Variants in CDH2 observed in about 807,000 individuals in gnomAD.
CDH2 encodes cadherin 2, also known as cadherin-2.
CDH2 carries 17 observed loss-of-function variants against 92.0 expected under a neutral mutation model. That is an observed-to-expected ratio of 0.18 (90% CI 0.13 to 0.28). The LOEUF is 0.28. Among genes scored for constraint, CDH2 ranks in the 10% least tolerant of loss-of-function variants. CDH2 has a pLI of 1.00. For synonymous variants in CDH2, 419 were observed against 415.9 expected, an observed-to-expected ratio of 1.01 and a Z score of -0.09; for missense variants, 862 against 1,133.1, an observed-to-expected ratio of 0.76 and a Z score of 3.44.
At chr18:28,000,709 T>G (rs905381225) in intron 7 of CDH2, among the ~76,000 whole-genome samples, 5 of 152,070 alleles carry the variant, frequency 3.3e-5, no homozygotes, top group African/African-American at 1.2e-4. Flanking sequence ...AAATACACCT[T>G]TAGGTCTGGA....
intron 7 of CDH2, among the ~76,000 whole-genome samples, chr18:27,998,190 G>A (rs983672961): frequency 6.6e-6 from 1 of 152,190 alleles, no homozygotes; most frequent in Middle Eastern, 3.4e-3. Context: ...TTATAAATGT[G>A]GTCTTTCTTT....
At chr18:28,075,664 C>G (rs2014705219) in intron 2 of CDH2, among the ~76,000 whole-genome samples, 1 of 152,244 alleles carries the variant, frequency 6.6e-6, no homozygotes, top group Admixed American at 6.5e-5. Flanking sequence ...TGTGCTGCTC[C>G]CTGGCACTAG....
At position 28,011,418 on chromosome 18, in the gene CDH2, C is replaced by T. The variant is rs1175684019; in HGVS notation, c.546+428G>A. Among the ~76,000 whole-genome samples, 3 of 152,168 alleles carry T rather than the reference C, an allele frequency of 2.0e-5. No individual in the cohort carries two copies. In the South Asian group the frequency reaches 6.2e-4, roughly 32 times the overall value. On this transcript the variant is annotated intron_variant, in intron 4 of 15. Transcript: ENST00000269141. The stretch of plus-strand genomic sequence containing the variant: ...AAAAAACTCTCAAATGCATTTGGTG[C>T]TGGCATTTTTAACAATGATTGCCCT...
intron 6 of CDH2, among the ~76,000 whole-genome samples, chr18:27,942,708 C>T (rs569685633): frequency 6.6e-6 from 1 of 152,302 alleles, no homozygotes; most frequent in East Asian, 1.9e-4. Flanking sequence ...ACTACATGTT[C>T]CCCCAGAGCC....
intron 1 of CDH2, among the ~76,000 whole-genome samples, chr18:28,154,317 A>G (rs1470183405): frequency 1.3e-5 from 2 of 152,226 alleles, no homozygotes; most frequent in Non-Finnish European, 2.9e-5. Context: ...AAGGATGACA[A>G]GCAGTCAACA....
chr18:28,120,466 T>C (rs1037233260), intron 2 of CDH2, among the ~76,000 whole-genome samples: 1 of 152,116 alleles, frequency 6.6e-6, no homozygotes, highest in African/African-American at 2.4e-5. Flanking sequence ...ATATAAAATA[T>C]ATACATCACT....
intron 1 of CDH2, 61 bp from the exon 2 acceptor site, chr18:28,147,845 A>C: frequency 2.1e-6 from 2 of 933,722 alleles, no homozygotes; most frequent in East Asian, 4.8e-5. Flanking sequence ...TCAACTGAGA[A>C]ACATTCCACT....
intron 2 of CDH2, among the ~76,000 whole-genome samples, chr18:28,014,730 TA>T (rs146691353): frequency 0.037 from 5,415 of 147,424 alleles, 147 homozygotes; most frequent in African/African-American, 0.079. Context: ...ACTTCACACT[TA>T]AAAAAAAAAC....
At chr18:28,145,790 T>C (rs1005540050) in intron 2 of CDH2, among the ~76,000 whole-genome samples, 3 of 151,366 alleles carry the variant, frequency 2.0e-5, no homozygotes, top group South Asian at 2.1e-4. Flanking sequence ...ATTCTGAGAA[T>C]GATAAAGAAA....
intron 15 of CDH2, among the ~76,000 whole-genome samples, chr18:27,960,486 T>C (rs2011373115): frequency 6.6e-6 from 1 of 152,120 alleles, no homozygotes; most frequent in African/African-American, 2.4e-5. Flanking sequence ...GGCCTTGAGA[T>C]GAAGTTGGAA....
At chr18:28,105,287 T>C (rs2015303161) in intron 2 of CDH2, among the ~76,000 whole-genome samples, 1 of 152,162 alleles carries the variant, frequency 6.6e-6, no homozygotes, top group Admixed American at 6.6e-5. Context: ...ACAAAGCAAA[T>C]GTTGTGACAA....
At chr18:28,134,978 G>A (rs545887383) in intron 2 of CDH2, among the ~76,000 whole-genome samples, 1 of 152,096 alleles carries the variant, frequency 6.6e-6, no homozygotes, top group Non-Finnish European at 1.5e-5. Flanking sequence ...CTGACATCAT[G>A]GGCTGGAGGG....
Position 27,963,353 on chromosome 18 carries a change from G to A in CDH2, c.2514+4C>T. 3 of 1,613,670 alleles carry A rather than the reference G, an allele frequency of 1.9e-6. No individual in the cohort carries two copies. Among genetic ancestry groups the A allele is most frequent in the South Asian group, 2.2e-5 (2 of 91,046 alleles). On this transcript the variant is annotated splice_donor_region_variant and intron_variant, in intron 15 of 15. Transcript: ENST00000269141. ...TTATAGAGAAAACGAGTGTCTCTCTGTACCTCATTAATGAAGTCCCCAATG... is the reference window on the plus strand; with the variant it reads ...TTATAGAGAAAACGAGTGTCTCTCTATACCTCATTAATGAAGTCCCCAATG...
chr18:28,090,497 C>T (rs1381511551), intron 2 of CDH2, among the ~76,000 whole-genome samples: 2 of 152,170 alleles, frequency 1.3e-5, no homozygotes, highest in African/African-American at 4.8e-5. Context: ...ACACTGAGGA[C>T]TACAGCTTCT....
At chr18:27,978,655 C>T (rs907837993) in intron 14 of CDH2, among the ~76,000 whole-genome samples, 15 of 151,504 alleles carry the variant, frequency 9.9e-5, no homozygotes, top group African/African-American at 2.4e-4. Context: ...TTTATTTTCT[C>T]ATTATTATTA....
intron 14 of CDH2, among the ~76,000 whole-genome samples, chr18:27,981,593 C>T (rs1210934289): frequency 6.6e-6 from 1 of 152,076 alleles, no homozygotes; most frequent in Admixed American, 6.6e-5. Flanking sequence ...GTAAATCATG[C>T]AACTTTTTTC....
intron 2 of CDH2, among the ~76,000 whole-genome samples, chr18:28,122,903 C>A (rs2015615272): frequency 6.6e-6 from 1 of 152,010 alleles, no homozygotes; most frequent in African/African-American, 2.4e-5. Flanking sequence ...TGAGTAATTT[C>A]TAATTAATAG....
At chr18:28,004,616 A>T (rs1293145902) in intron 6 of CDH2, among the ~76,000 whole-genome samples, 1 of 152,216 alleles carries the variant, frequency 6.6e-6, no homozygotes, top group African/African-American at 2.4e-5. Flanking sequence ...ATAGAGAAAA[A>T]AAAGAAAATA....
intron 2 of CDH2, among the ~76,000 whole-genome samples, chr18:28,095,468 A>G (rs1045150918): frequency 6.6e-6 from 1 of 152,156 alleles, no homozygotes; most frequent in African/African-American, 2.4e-5. Context: ...GAATCTAACT[A>G]CAGGGTTCCA....
Sources: gnomAD v4.1 joint callset for allele counts (sites outside exome capture counted in the v4.1 genomes callset) on GRCh38, gnomAD v4.1.1 for gene constraint, MANE v1.5 for transcripts, NCBI Gene and HGNC (gene_info 2026-07-23, HGNC 2026-07-21) for gene names.